MAGI2: variants seen among roughly 807,000 people sequenced by gnomAD.
MAGI2 encodes the protein membrane associated guanylate kinase, WW and PDZ domain containing 2.
A neutral mutation model predicts 133.3 loss-of-function variants in MAGI2; 35 were observed. The observed-to-expected ratio is 0.26, with a 90% CI of 0.20 to 0.35. The LOEUF is 0.35. Ranked by LOEUF, MAGI2 falls within the 10% of genes least tolerant of loss-of-function variation. MAGI2 has a pLI of 1.00. For missense variants in MAGI2, 1,636 were observed against 1,863.4 expected (o/e 0.88, Z 2.25); for synonymous variants, 729 against 710.6 (o/e 1.03, Z -0.41).
Position 78,019,433 on chromosome 7 carries a change from C to T in MAGI2, c.4250G>A (p.Arg1417Gln). Residue 1417 changes from arginine to glutamine, a missense_variant, in exon 22 of 22, where the codon CGA (arginine) becomes CAA (glutamine). Around this residue, in one of 5 missense-constraint regions of MAGI2, gnomAD observed 354 missense variants for 298.7 expected, o/e 1.19. Transcript: ENST00000354212. ...GARAGPRPGP[R>Q]PPGGAPARKA... ...GCGCGCCGGGGCGCCCCCCGGGGGT[C>T]GCGGGCCCGGCCGGGGACCCGCGCG... is the stretch of plus-strand genomic sequence containing the variant. 9.8e-7 allele frequency: 1 copy of T among 1,024,462 alleles called. No individual in the cohort carries two copies. Among genetic ancestry groups the T allele is most frequent in the South Asian group, 4.5e-5 (1 of 22,206 alleles). The allele number at this position is 1,024,462 out of a possible 1,614,324, so 63.5% of individuals were successfully genotyped here. A position where few individuals can be genotyped will look rare whatever the true frequency, so the allele number is the denominator to read the frequency against.
chr7:78,919,060 G>A (rs1799023423), intron 2 of MAGI2, among the ~76,000 whole-genome samples: 1 of 152,054 alleles, frequency 6.6e-6, no homozygotes, highest in Non-Finnish European at 1.5e-5. Flanking sequence ...GACTAAATTG[G>A]ACAGGTTAAA....
chr7:78,772,087 T>C (rs943797843), intron 2 of MAGI2, among the ~76,000 whole-genome samples: 1 of 152,146 alleles, frequency 6.6e-6, no homozygotes, highest in Non-Finnish European at 1.5e-5. Context: ...GTATTGAAGA[T>C]ACATTTATAG....
chr7:79,052,894 C>T (rs1034187693), intron 1 of MAGI2, among the ~76,000 whole-genome samples: 5 of 152,080 alleles, frequency 3.3e-5, no homozygotes, highest in Non-Finnish European at 7.4e-5. Flanking sequence ...TCTTTACATG[C>T]TTTTATTATC....
chr7:78,201,617 G>A (rs901808544), intron 10 of MAGI2, among the ~76,000 whole-genome samples: 2 of 152,166 alleles, frequency 1.3e-5, no homozygotes, highest in African/African-American at 4.8e-5. Context: ...CCTGCTTTAT[G>A]TGGTTAAAAA....
At chr7:79,197,916 T>C (rs1207200613) in intron 1 of MAGI2, among the ~76,000 whole-genome samples, 1 of 151,864 alleles carries the variant, frequency 6.6e-6, no homozygotes, top group Non-Finnish European at 1.5e-5. Flanking sequence ...GTGGATTACA[T>C]TTCAACATGA....
At chr7:79,440,195 T>C (rs1246702686) in intron 1 of MAGI2, among the ~76,000 whole-genome samples, 1 of 151,762 alleles carries the variant, frequency 6.6e-6, no homozygotes, top group Non-Finnish European at 1.5e-5. Context: ...CTTTACATGC[T>C]CTTATTGGAG....
At chr7:78,631,635 C>A (rs1809015406) in intron 2 of MAGI2, among the ~76,000 whole-genome samples, 1 of 152,140 alleles carries the variant, frequency 6.6e-6, no homozygotes, top group Non-Finnish European at 1.5e-5. Flanking sequence ...CCAGCTTGTG[C>A]AGTTTCTTTA....
chr7:78,987,598 A>G (rs185892871), intron 2 of MAGI2, among the ~76,000 whole-genome samples: 14 of 152,206 alleles, frequency 9.2e-5, no homozygotes, highest in Admixed American at 2.6e-4. Flanking sequence ...AAGAGACAAT[A>G]AAAAATTCAC....
intron 1 of MAGI2, among the ~76,000 whole-genome samples, chr7:79,017,082 G>A (rs1372979819): frequency 1.3e-5 from 2 of 152,244 alleles, no homozygotes; most frequent in African/African-American, 4.8e-5. Context: ...CATAGCTGAT[G>A]AGCATGCAAC....
chr7:78,120,737 C>T (rs750578072), intron 20 of MAGI2, among the ~76,000 whole-genome samples: 119 of 151,984 alleles, frequency 7.8e-4, no homozygotes, highest in Non-Finnish European at 1.3e-3. Flanking sequence ...CGCGGTGGCT[C>T]ACGCCTGGAA....
At chr7:78,051,713 T>C (rs924495110) in intron 21 of MAGI2, among the ~76,000 whole-genome samples, 3 of 152,078 alleles carry the variant, frequency 2.0e-5, no homozygotes, top group African/African-American at 7.2e-5. Context: ...GCCTCCCAAA[T>C]AGCTGGGACT....
At chr7:78,427,494 T>C (rs187000699) in intron 6 of MAGI2, among the ~76,000 whole-genome samples, 78 of 152,186 alleles carry the variant, frequency 5.1e-4, no homozygotes, top group African/African-American at 1.8e-3. Flanking sequence ...TGAGGAATAT[T>C]TCATGATGAT....
intron 3 of MAGI2, among the ~76,000 whole-genome samples, chr7:78,531,230 T>C (rs2150624258): frequency 6.6e-6 from 1 of 151,570 alleles, no homozygotes; most frequent in South Asian, 2.1e-4. Flanking sequence ...TTTTTTTTTT[T>C]TTGAGACAGA....
At chr7:78,478,611 TGGTTCCAA>T (rs60642439) in intron 6 of MAGI2, among the ~76,000 whole-genome samples, 4,582 of 152,036 alleles carry the variant, frequency 0.03, 219 homozygotes, top group African/African-American at 0.1. Context: ...TTTAGACATC[TGGTTCCAA>T]ACAAGATGGT....
chr7:79,205,665 AT>A (rs1828984913), intron 1 of MAGI2, among the ~76,000 whole-genome samples: 1 of 151,954 alleles, frequency 6.6e-6, no homozygotes, highest in African/African-American at 2.4e-5. Flanking sequence ...GACTACAATA[AT>A]TTATTAAAGG....
At chr7:79,391,510 T>TATATATATATATATATATATATAGAC (rs1563180480) in intron 1 of MAGI2, among the ~76,000 whole-genome samples, 32 of 28,772 alleles carry the variant, frequency 1.1e-3, no homozygotes, top group Non-Finnish European at 1.4e-3. Flanking sequence ...TATATAGACA[T>TATATATATATATATATATATATAGAC]ATATATATAT....
At chr7:78,257,065 T>C (rs1395234020) in intron 9 of MAGI2, among the ~76,000 whole-genome samples, 1 of 151,972 alleles carries the variant, frequency 6.6e-6, no homozygotes, top group Non-Finnish European at 1.5e-5. Flanking sequence ...AACAGAAAAA[T>C]ATTTGCCCAT....
At chr7:78,142,236 C>T (rs1822835659) in intron 16 of MAGI2, among the ~76,000 whole-genome samples, 1 of 152,158 alleles carries the variant, frequency 6.6e-6, no homozygotes, top group Non-Finnish European at 1.5e-5. Context: ...AAGGACCTCA[C>T]ACTTTGATTT....
In MAGI2 at chr7:78,069,539, G is replaced by GGAGAGAGA. The variant is rs3840607; in HGVS notation, c.3706+9400_3706+9407dup. 2.7e-3 allele frequency among the ~76,000 whole-genome samples: 359 copies of GGAGAGAGA among 134,710 alleles called. 3 individuals are homozygous for GGAGAGAGA. Among genetic ancestry groups the GGAGAGAGA allele is most frequent in the African/African-American group, 8.0e-3 (284 of 35,626 alleles). 88.4% of individuals were successfully genotyped at this position (134,710 alleles called of 152,430 possible). ...AGAGAGAGATTGAAAGAAAGAGAGAGGAGAGAGAGAGAGAGAGAGAGAGAG... is the reference window on the plus strand; with the variant it reads ...AGAGAGAGATTGAAAGAAAGAGAGAGGAGAGAGAGAGAGAGAGAGAGAGAGAGAGAGAG... On this transcript the variant is annotated intron_variant, in intron 21 of 21. Coordinates refer to ENST00000354212, the MANE Select transcript of MAGI2 (RefSeq NM_012301.4).
Sources: allele counts gnomAD v4.1 joint callset (sites outside exome capture counted in the v4.1 genomes callset), GRCh38; gene constraint gnomAD v4.1.1; regional missense constraint gnomAD v4.1.1; transcripts MANE v1.5; gene names NCBI Gene and HGNC (gene_info 2026-07-23, HGNC 2026-07-21).